ARHGAP15: variants seen among roughly 807,000 people sequenced by gnomAD.
ARHGAP15 encodes rho GTPase-activating protein 15.
Under a neutral mutation model 63.7 loss-of-function variants are expected in ARHGAP15, and 51 were observed. The observed-to-expected ratio is 0.80, with a 90% CI of 0.64 to 1.01. ARHGAP15 has a LOEUF of 1.01. Among genes scored for constraint, ARHGAP15 ranks in the 50% least tolerant of loss-of-function variants. The pLI is 0.00. For missense variants in ARHGAP15, 560 were observed against 564.6 expected, an observed-to-expected ratio of 0.99 and a Z score of 0.08; for synonymous variants, 191 against 193.8, an observed-to-expected ratio of 0.99 and a Z score of 0.12.
intron 3 of ARHGAP15, among the ~76,000 whole-genome samples, chr2:143,202,940 TA>T (rs764722703): frequency 6.6e-6 from 1 of 152,150 alleles, no homozygotes; most frequent in Non-Finnish European, 1.5e-5. Context: ...TAAAAACACG[TA>T]AGACCAACCT....
chr2:143,691,090 A>G (rs72859654), intron 12 of ARHGAP15, among the ~76,000 whole-genome samples: 25,428 of 151,926 alleles, frequency 0.17, 2,390 homozygotes, highest in South Asian at 0.3. Flanking sequence ...AAAAGAAGGG[A>G]AAAAAAATGA....
At chr2:143,216,820 T>C (rs1353901579) in intron 4 of ARHGAP15, among the ~76,000 whole-genome samples, 1 of 152,162 alleles carries the variant, frequency 6.6e-6, no homozygotes, top group Non-Finnish European at 1.5e-5. Context: ...TCTTGAAGGA[T>C]GGAAGATTTG....
chr2:143,511,641 G>A (rs770536628), intron 9 of ARHGAP15, among the ~76,000 whole-genome samples: 1 of 152,072 alleles, frequency 6.6e-6, no homozygotes, highest in East Asian at 1.9e-4. Context: ...TCCAGGACAA[G>A]AGACATGAGC....
intron 6 of ARHGAP15, among the ~76,000 whole-genome samples, chr2:143,259,324 A>G (rs1345850127): frequency 1.3e-5 from 2 of 152,178 alleles, no homozygotes; most frequent in Non-Finnish European, 1.5e-5. Flanking sequence ...CTACTACAGT[A>G]TCAATATGAA....
At chr2:143,141,984 T>G (rs980216700) in intron 1 of ARHGAP15, among the ~76,000 whole-genome samples, 2 of 152,048 alleles carry the variant, frequency 1.3e-5, no homozygotes, top group East Asian at 1.9e-4. Context: ...GTCTATAGGA[T>G]GTAGAAGCTG....
chr2:143,244,458 G>C (rs1018938997), intron 5 of ARHGAP15, among the ~76,000 whole-genome samples: 1 of 152,142 alleles, frequency 6.6e-6, no homozygotes, highest in Non-Finnish European at 1.5e-5. Flanking sequence ...TACGGCAGAT[G>C]GTAGGCAAGC....
intron 10 of ARHGAP15, among the ~76,000 whole-genome samples, chr2:143,520,271 T>A (rs771971211): frequency 2.0e-5 from 3 of 152,154 alleles, no homozygotes; most frequent in African/African-American, 4.8e-5. Context: ...AATAATCTAC[T>A]AGGAAAAAGC....
At chr2:143,472,129 A>G (rs1420674837) in intron 8 of ARHGAP15, 1 of 152,204 alleles carries the variant, frequency 6.6e-6, no homozygotes, top group Non-Finnish European at 1.5e-5. Context: ...GGCATGGGAT[A>G]TACATCTGAT....
intron 6 of ARHGAP15, among the ~76,000 whole-genome samples, chr2:143,432,501 G>A (rs1204112472): frequency 2.6e-5 from 4 of 152,004 alleles, no homozygotes; most frequent in Non-Finnish European, 4.4e-5. Flanking sequence ...GTCTGGACTT[G>A]CATCTACCTG....
intron 13 of ARHGAP15, among the ~76,000 whole-genome samples, chr2:143,726,218 A>C (rs1171425722): frequency 2.0e-5 from 3 of 152,254 alleles, no homozygotes; most frequent in East Asian, 3.8e-4. Flanking sequence ...GGAAAAATTA[A>C]GAACAAGTCT....
chr2:143,598,491 A>T (rs1158857941), intron 11 of ARHGAP15, among the ~76,000 whole-genome samples: 1 of 152,208 alleles, frequency 6.6e-6, no homozygotes, highest in Non-Finnish European at 1.5e-5. Flanking sequence ...CTAAAGGGAA[A>T]GAGGTGAGTA....
At chr2:143,739,836 T>G (rs1271466105) in intron 13 of ARHGAP15, among the ~76,000 whole-genome samples, 8 of 152,212 alleles carry the variant, frequency 5.3e-5, no homozygotes, top group Non-Finnish European at 8.8e-5. Context: ...CTATGTAAAC[T>G]TAAATAATAG....
intron 11 of ARHGAP15, among the ~76,000 whole-genome samples, chr2:143,606,356 T>A (rs925028594): frequency 7.2e-5 from 11 of 152,326 alleles, no homozygotes; most frequent in African/African-American, 2.6e-4. Context: ...TTTCCCCAGA[T>A]TGTTGTGATT....
intron 13 of ARHGAP15, among the ~76,000 whole-genome samples, chr2:143,748,207 G>A (rs1333951904): frequency 6.6e-6 from 1 of 152,092 alleles, no homozygotes; most frequent in East Asian, 1.9e-4. Flanking sequence ...TTCCAAATTT[G>A]AAATTATGCC....
At chr2:143,255,933 A>C (rs1022811744) in intron 6 of ARHGAP15, among the ~76,000 whole-genome samples, 1 of 152,150 alleles carries the variant, frequency 6.6e-6, no homozygotes, top group African/African-American at 2.4e-5. Context: ...CAATCATTTC[A>C]TCTACCTATT....
chr2:143,752,985 A>T (rs755043195), intron 13 of ARHGAP15, among the ~76,000 whole-genome samples: 92 of 152,116 alleles, frequency 6.0e-4, no homozygotes, highest in Non-Finnish European at 1.0e-3. Context: ...AAACAAAAAA[A>T]TTTTTTTTAA....
At chr2:143,492,370 T>G (rs1049001742) in intron 9 of ARHGAP15, among the ~76,000 whole-genome samples, 1 of 152,216 alleles carries the variant, frequency 6.6e-6, no homozygotes, top group African/African-American at 2.4e-5. Flanking sequence ...TCTCATCTCC[T>G]CTGCCTCTTC....
chr2:143,509,938 T>C (rs1344834913), intron 9 of ARHGAP15, among the ~76,000 whole-genome samples: 2 of 145,992 alleles, frequency 1.4e-5, no homozygotes, highest in African/African-American at 5.1e-5. Flanking sequence ...GGAGAATCGC[T>C]TGAACCAGGG....
intron 12 of ARHGAP15, among the ~76,000 whole-genome samples, chr2:143,647,803 T>C (rs1422947655): frequency 1.3e-5 from 2 of 152,100 alleles, no homozygotes; most frequent in Non-Finnish European, 1.5e-5. Flanking sequence ...AAGATTTATA[T>C]GGTATCATTG....
Sources: gnomAD v4.1 joint callset for allele counts (sites outside exome capture counted in the v4.1 genomes callset) on GRCh38, gnomAD v4.1.1 for gene constraint, MANE v1.5 for transcripts, NCBI Gene and HGNC (gene_info 2026-07-23, HGNC 2026-07-21) for gene names.